The following MYOM2 variants were observed in gnomAD, a reference collection of about 807,000 sequenced individuals.
The protein encoded by MYOM2 is myomesin-2.
MYOM2 carries 254 observed loss-of-function variants against 187.6 expected under a neutral mutation model. That is an observed-to-expected ratio of 1.35 (90% CI 1.22 to 1.50). The LOEUF (loss-of-function observed/expected upper bound fraction) is 1.50. MYOM2 is among the 40% of genes most tolerant of loss of function. The probability of loss-of-function intolerance (pLI) is 0.00; values close to 1 mark genes in which losing one functional copy is unlikely to be tolerated. For synonymous variants in MYOM2, 981 were observed against 753.8 expected (o/e 1.30, Z -4.94); for missense variants, 2,796 against 1,924.0 (o/e 1.45, Z -8.48).
At chr8:2,118,868 GAT>G (rs1797333436) in intron 28 of MYOM2, 2 of 152,288 alleles carry the variant, frequency 1.3e-5, no homozygotes, top group Admixed American at 1.3e-4. Context: ...GCTGCTGAGA[GAT>G]GGTAACTCCA....
chr8:2,139,841 G>A (rs1470199477), intron 32 of MYOM2, among the ~76,000 whole-genome samples: 2 of 152,172 alleles, frequency 1.3e-5, no homozygotes, highest in Admixed American at 6.5e-5. Context: ...CTTATATGTT[G>A]CAGATGTGGA....
chr8:2,062,399 A>G (rs1304259342), intron 6 of MYOM2, among the ~76,000 whole-genome samples: 1 of 151,990 alleles, frequency 6.6e-6, no homozygotes, highest in Non-Finnish European at 1.5e-5. Context: ...AGCGGGAGGG[A>G]GCAGGGGAGT....
chr8:2,124,937 ATTTG>A (rs1797586274), intron 31 of MYOM2, among the ~76,000 whole-genome samples: 1 of 151,796 alleles, frequency 6.6e-6, no homozygotes, highest in Admixed American at 6.6e-5. Flanking sequence ...TTAATGGGTT[ATTTG>A]TTTTTTTCCT....
intron 32 of MYOM2, among the ~76,000 whole-genome samples, chr8:2,138,110 A>C (rs940409336): frequency 1.3e-5 from 2 of 152,170 alleles, no homozygotes; most frequent in African/African-American, 4.8e-5. Context: ...AGTAATAGCG[A>C]CCTGCTGTGA....
At position 2,087,537 on chromosome 8, in the gene MYOM2, G is replaced by A. The variant is rs1585882710; in HGVS notation, c.1644+2147G>A. On this transcript the variant is annotated intron_variant, in intron 14 of 36. Transcript: ENST00000262113. ...CAGTCCCTCTGTGGGGTCTCCTAGG[G>A]TGGAAGGTATTTTCTCAGGCCCCTC... is the stretch of plus-strand genomic sequence containing the variant. Among the ~76,000 whole-genome samples the A allele has an allele frequency of 2.6e-5, 4 of 152,292 alleles. No individual in the cohort carries two copies. In the East Asian group the frequency reaches 5.8e-4, roughly 22 times the overall value.
chr8:2,055,087 G>GAAGTACCTGGATACTGGGGTAACC (rs577084369), intron 3 of MYOM2, among the ~76,000 whole-genome samples: 7 of 142,462 alleles, frequency 4.9e-5, no homozygotes, highest in African/African-American at 1.9e-4. Flanking sequence ...CTGGGGGAAC[G>GAAGTACCTGGATACTGGGGTAACC]AAGTACCTGG....
At chr8:2,099,043 T>C in intron 19 of MYOM2, 60 bp downstream of exon 19, 2 of 1,524,556 alleles carry the variant, frequency 1.3e-6, no homozygotes, top group Non-Finnish European at 1.8e-6. Flanking sequence ...GGAAGGGGCC[T>C]CTGTGGCTGC....
chr8:2,098,750 C>CG, intron 18 of MYOM2, 107 bp from the exon 19 acceptor site: 1 of 1,257,704 alleles, frequency 8.0e-7, no homozygotes, highest in Non-Finnish European at 1.1e-6. Flanking sequence ...GACAAGGTTC[C>CG]TTCCTCTCAT....
At chr8:2,059,283 GTAATC>G in intron 6 of MYOM2, 38 bp downstream of exon 6, 2 of 1,587,732 alleles carry the variant, frequency 1.3e-6, no homozygotes, top group Non-Finnish European at 1.7e-6. Context: ...CTGGCGTCCA[GTAATC>G]AGCATTGCAG....
rs774203378 is a variant in MYOM2, at chr8:2,109,385, C to G, written c.3044-10C>G. ...GCATTATTGACTTGCGATTTCTTTT[C>G]TTCCTGTAGCAATTCCTCTGAAATC... On this transcript the variant is annotated splice_polypyrimidine_tract_variant and intron_variant, in intron 24 of 36. Transcript: ENST00000262113. 6 of 1,593,350 alleles carry G rather than the reference C, an allele frequency of 3.8e-6. No individual in the cohort carries two copies. The highest frequency in any genetic ancestry group is 3.4e-6 in the Non-Finnish European group (4 of 1,171,218).
intron 28 of MYOM2, among the ~76,000 whole-genome samples, chr8:2,122,167 C>T (rs1797480608): frequency 6.6e-6 from 1 of 152,178 alleles, no homozygotes; most frequent in African/African-American, 2.4e-5. Flanking sequence ...TGAAAACAGA[C>T]ACCAAAGAAA....
intron 19 of MYOM2, among the ~76,000 whole-genome samples, 163 bp downstream of exon 19, chr8:2,099,146 A>C (rs1297027761): frequency 6.6e-6 from 1 of 152,250 alleles, no homozygotes; most frequent in African/African-American, 2.4e-5. Context: ...CAGGGCTGTG[A>C]ATCAGGCAGA....
intron 8 of MYOM2, 131 bp from the exon 9 acceptor site, chr8:2,072,214 G>A (rs1167170466): frequency 2.3e-6 from 1 of 442,288 alleles, no homozygotes; most frequent in Non-Finnish European, 4.4e-6. Context: ...CTGGACAACA[G>A]AGCGAGACTC....
intron 19 of MYOM2, 74 bp downstream of exon 19, chr8:2,099,057 T>G: frequency 6.8e-7 from 1 of 1,478,980 alleles, no homozygotes; most frequent in Non-Finnish European, 9.0e-7. Flanking sequence ...TGGCTGCGAC[T>G]CTGGACTCGC....
chr8:2,102,739 C>A lies in MYOM2; in HGVS notation c.2692C>A (p.Pro898Thr). The change falls in exon 21 of 37, where the codon CCC becomes ACC. Residue 898 changes from proline to threonine, a missense_variant. Coordinates refer to ENST00000262113, the MANE Select transcript of MYOM2 (RefSeq NM_003970.4). The stretch of plus-strand genomic sequence containing the variant: ...AGTCAATGCAAATGGCGTGGGGAAG[C>A]CCTCAGACACGTCGGAGCCTGTGCT... ...RAVNANGVGKPSDTSEPVLVE... is the reference protein window; with the variant it reads ...RAVNANGVGKTSDTSEPVLVE... 1 of 1,614,076 alleles carries A rather than the reference C, an allele frequency of 6.2e-7. No homozygotes were observed. Among genetic ancestry groups the A allele is most frequent in the East Asian group, 2.2e-5 (1 of 44,890 alleles).
intron 27 of MYOM2, among the ~76,000 whole-genome samples, chr8:2,116,556 T>G (rs1797252130): frequency 6.6e-6 from 1 of 152,062 alleles, no homozygotes; most frequent in Non-Finnish European, 1.5e-5. Context: ...TTCATTTGGC[T>G]TTGAAATGTA....
chr8:2,102,856 T>A, intron 21 of MYOM2, 75 bp downstream of exon 21: 1 of 1,184,232 alleles, frequency 8.4e-7, no homozygotes, highest in South Asian at 1.3e-5. Context: ...GATGTATGGA[T>A]GAGGGTGTGT....
In MYOM2 at chr8:2,052,125, A is replaced by G. The variant is rs145936451; in HGVS notation, c.108-33A>G. On this transcript the variant is annotated intron_variant, in intron 2 of 36. Transcript: ENST00000262113. ...ATAAATTTCCATACTGTGCCTGAGCATGCATCTCCTAATCGTGTCCATGTT... is the reference window on the plus strand; with the variant it reads ...ATAAATTTCCATACTGTGCCTGAGCGTGCATCTCCTAATCGTGTCCATGTT... The G allele has an allele frequency of 2.7e-4, 432 of 1,611,586 alleles. No homozygotes were observed. The African/African-American group carries it at 5.2e-3, about 20-fold the overall frequency.
intron 6 of MYOM2, among the ~76,000 whole-genome samples, chr8:2,065,015 A>T (rs1418129864): frequency 6.6e-6 from 1 of 152,268 alleles, no homozygotes; most frequent in Non-Finnish European, 1.5e-5. Context: ...CTTTTGGTTC[A>T]GGAATTCAGC....
Sources: gnomAD v4.1 joint callset for allele counts (sites outside exome capture counted in the v4.1 genomes callset) on GRCh38, gnomAD v4.1.1 for gene constraint, MANE v1.5 for transcripts, NCBI Gene and HGNC (gene_info 2026-07-23, HGNC 2026-07-21) for gene names.